The following EYS variants were observed in gnomAD, a reference collection of about 807,000 sequenced individuals.
EYS encodes the protein EGF-like photoreceptor maintenance factor, also known as protein eyes shut homolog.
Under a neutral mutation model 282.1 loss-of-function variants are expected in EYS, and 250 were observed. The observed-to-expected ratio is 0.89, with a 90% confidence interval of 0.80 to 0.98. EYS has a LOEUF of 0.98. EYS is among the 50% of genes least tolerant of loss of function. The pLI is 0.00. For synonymous variants in EYS, 1,355 were observed against 1,282.9 expected (o/e 1.06, Z -1.20); for missense variants, 4,016 against 3,709.0 (o/e 1.08, Z -2.15).
At chr6:64,477,384 C>A (rs772631844) in intron 26 of EYS, among the ~76,000 whole-genome samples, 2 of 152,044 alleles carry the variant, frequency 1.3e-5, no homozygotes, top group Middle Eastern at 6.8e-3. Flanking sequence ...ATTTTGGAAG[C>A]CTTAACTTTA....
chr6:64,135,501 C>T lies in EYS; in HGVS notation c.6425-53499G>A, dbSNP rs150144344. Among the ~76,000 whole-genome samples, 457 of 151,744 alleles carry T rather than the reference C, an allele frequency of 3.0e-3. 1 individual carries two copies. The highest frequency in any genetic ancestry group is 4.5e-3 in the Admixed American group (69 of 15,220). On this transcript the variant is annotated intron_variant, in intron 31 of 42. Coordinates refer to ENST00000503581, the MANE Select transcript of EYS (RefSeq NM_001142800.2). ...GGATATTTTAAAATAAATAATTAAA[C>T]GAGTAATGGGAAGGGAGAAAAGTGT... is the stretch of plus-strand genomic sequence containing the variant.
intron 2 of EYS, among the ~76,000 whole-genome samples, chr6:65,616,823 A>G (rs1766216192): frequency 6.6e-6 from 1 of 152,102 alleles, no homozygotes; most frequent in Non-Finnish European, 1.5e-5. Context: ...ATTTTCTAAT[A>G]AAACGAAGAA....
At chr6:64,374,799 T>G (rs938086381) in intron 29 of EYS, among the ~76,000 whole-genome samples, 3 of 152,158 alleles carry the variant, frequency 2.0e-5, no homozygotes, top group African/African-American at 7.2e-5. Flanking sequence ...TAGTCCCAGC[T>G]AAGCATACAG....
intron 2 of EYS, among the ~76,000 whole-genome samples, chr6:65,560,970 A>C (rs960997979): frequency 6.6e-6 from 1 of 151,864 alleles, no homozygotes; most frequent in African/African-American, 2.4e-5. Flanking sequence ...GTACTTTGTT[A>C]TTTTTTCATC....
intron 22 of EYS, among the ~76,000 whole-genome samples, chr6:64,672,544 G>C (rs188341359): frequency 7.2e-5 from 11 of 152,270 alleles, no homozygotes; most frequent in Non-Finnish European, 1.3e-4. Context: ...TACTCTCTAT[G>C]ATGGGGATAT....
Position 63,720,395 on chromosome 6 carries a change from A to G in EYS, c.*201T>C. ...ATGGAGTTAAAACATGAATCAAAAT[A>G]TATACAGATAAATTAGATGTAGGAA... On this transcript the variant is annotated 3_prime_UTR_variant, in exon 43 of 43. Coordinates refer to ENST00000503581, the MANE Select transcript of EYS (RefSeq NM_001142800.2). 2.0e-6 allele frequency: 1 copy of G among 505,990 alleles called. No homozygotes were observed. Among genetic ancestry groups the G allele is most frequent in the Admixed American group, 3.7e-5 (1 of 26,718 alleles). 31.3% of individuals were successfully genotyped at this position (505,990 alleles called of 1,614,324 possible).
At chr6:64,338,593 T>C (rs931945221) in intron 29 of EYS, among the ~76,000 whole-genome samples, 1 of 151,536 alleles carries the variant, frequency 6.6e-6, no homozygotes, top group African/African-American at 2.4e-5. Context: ...GCAATCCCCA[T>C]CAAAATACCA....
At chr6:64,997,558 T>A in intron 14 of EYS, 24 bp downstream of exon 14, 1 of 1,548,462 alleles carries the variant, frequency 6.5e-7, no homozygotes. Context: ...CATTTAGGTA[T>A]ATAAAAAGCC....
At chr6:64,703,410 C>CACACACACACACAT (rs1447947508) in intron 22 of EYS, among the ~76,000 whole-genome samples, 21 of 51,524 alleles carry the variant, frequency 4.1e-4, no homozygotes, top group Admixed American at 1.0e-3. Flanking sequence ...CACACACACA[C>CACACACACACACAT]ATATATATAT....
chr6:65,613,396 A>AAC (rs1234634576), intron 2 of EYS, among the ~76,000 whole-genome samples: 2 of 151,916 alleles, frequency 1.3e-5, no homozygotes, highest in African/African-American at 4.8e-5. Context: ...TGTTCATCAT[A>AAC]GTAATTATGA....
rs528758049 is a variant in EYS, at chr6:65,336,968, A to G, written c.1600-1822T>C. 6.6e-5 allele frequency among the ~76,000 whole-genome samples: 10 copies of G among 151,586 alleles called. No homozygotes were observed. In the South Asian group the frequency reaches 2.1e-3, roughly 31 times the overall value. ...ATTCAAATGACAATAGAATTTTACT[A>G]TCTTTAAAATCATTTCTCTGCATAT... On this transcript the variant is annotated intron_variant, in intron 10 of 42. Coordinates refer to ENST00000503581, the MANE Select transcript of EYS (RefSeq NM_001142800.2).
intron 31 of EYS, among the ~76,000 whole-genome samples, chr6:64,226,163 TAATA>T (rs201213248): frequency 0.016 from 2,385 of 152,230 alleles, 20 homozygotes; most frequent in South Asian, 0.034. Context: ...GATTTAAAGT[TAATA>T]AATAAATTCG....
intron 19 of EYS, among the ~76,000 whole-genome samples, chr6:64,862,817 T>C (rs9363279): frequency 0.16 from 23,621 of 152,110 alleles, 2,158 homozygotes; most frequent in East Asian, 0.49. Context: ...TTGTTTCTGA[T>C]AAGAAATCAA....
At chr6:65,088,509 T>A (rs983698508) in intron 12 of EYS, among the ~76,000 whole-genome samples, 3 of 152,108 alleles carry the variant, frequency 2.0e-5, no homozygotes, top group Admixed American at 2.0e-4. Context: ...CCTAGAGACA[T>A]GTAGAAGTTT....
At chr6:65,522,983 A>C (rs1767428022) in intron 2 of EYS, among the ~76,000 whole-genome samples, 1 of 152,308 alleles carries the variant, frequency 6.6e-6, no homozygotes, top group African/African-American at 2.4e-5. Flanking sequence ...AAATAGTTTC[A>C]ATTTTTAATT....
chr6:63,984,583 G>A lies in EYS; in HGVS notation c.6855C>T (p.Phe2285=), dbSNP rs371505812. ...GAACATTTGCAGGAATATGGCCAAG[G>A]AACATTGATTCAAAATATGCCTGTA... The part of the protein sequence containing the change: ...HASQAYFESM[F]LGHIPANVQI... The change falls in exon 35 of 43, where the codon TTC becomes TTT. Residue 2285 remains phenylalanine, a synonymous_variant. Coordinates refer to ENST00000503581, the MANE Select transcript of EYS (RefSeq NM_001142800.2). 177 of 1,548,572 alleles carry A rather than the reference G, an allele frequency of 1.1e-4. No individual in the cohort carries two copies. The African/African-American group carries it at 2.3e-3, about 20-fold the overall frequency.
At chr6:63,985,109 C>A (rs9342086) in intron 34 of EYS, among the ~76,000 whole-genome samples, 1 of 151,312 alleles carries the variant, frequency 6.6e-6, no homozygotes, top group Admixed American at 6.6e-5. Flanking sequence ...TGGAATAAGG[C>A]AAAACTATAA....
intron 40 of EYS, among the ~76,000 whole-genome samples, chr6:63,769,499 T>C (rs1769879650): frequency 6.6e-6 from 1 of 152,114 alleles, no homozygotes; most frequent in African/African-American, 2.4e-5. Flanking sequence ...AAAAATGTTA[T>C]GTATCCTTAA....
At chr6:64,279,023 A>C (rs1227618256) in intron 30 of EYS, among the ~76,000 whole-genome samples, 1 of 152,080 alleles carries the variant, frequency 6.6e-6, no homozygotes. Flanking sequence ...ATCTTTACTA[A>C]TACATTTTCA....
Sources: gnomAD v4.1 joint callset for allele counts (sites outside exome capture counted in the v4.1 genomes callset) on GRCh38, gnomAD v4.1.1 for gene constraint, MANE v1.5 for transcripts, NCBI Gene and HGNC (gene_info 2026-07-23, HGNC 2026-07-21) for gene names.